Variants in POTEC observed in about 807,000 individuals in gnomAD.
The protein encoded by POTEC is ANKRD26-like family B member 2.
Under a neutral mutation model 62.0 loss-of-function variants are expected in POTEC, and 35 were observed. The observed-to-expected ratio is 0.56, with a 90% CI of 0.43 to 0.75. The LOEUF (loss-of-function observed/expected upper bound fraction) is 0.75. POTEC is among the 30% of genes least tolerant of loss of function. POTEC has a pLI of 0.00. For synonymous variants in POTEC, 156 were observed against 221.5 expected (o/e 0.70, Z 2.62); for missense variants, 472 against 655.9 (o/e 0.72, Z 3.06).
intron 9 of POTEC, among the ~76,000 whole-genome samples, chr18:14,517,116 G>C (rs1910187463): frequency 6.7e-6 from 1 of 149,486 alleles, no homozygotes; most frequent in Non-Finnish European, 1.5e-5. Context: ...AGATATTCCT[G>C]AGAGCTGTTA....
At position 14,537,858 on chromosome 18, in the gene POTEC, A is replaced by G. The variant is rs1905796508; in HGVS notation, c.753T>C (p.Asp251=). 1 of 1,612,198 alleles carries G rather than the reference A, an allele frequency of 6.2e-7. No individual in the cohort carries two copies. The highest frequency in any genetic ancestry group is 8.5e-7 in the Non-Finnish European group (1 of 1,179,736). The change falls in exon 3 of 11, where the codon GAT becomes GAC. Residue 251 remains aspartate, a synonymous_variant. Transcript: ENST00000358970. ...AGAGCAGTGCTTTGGCCATTAATTT[A>G]TCTTCATTGTGGACAGCATAGTGTA... ...TTLHYAVHNE[D]KLMAKALLLY... is the part of the protein sequence containing the mutation.
At position 14,510,897 on chromosome 18, in the gene POTEC, G is replaced by A. The variant is rs1266061768; in HGVS notation, c.*1001C>T. ...AGATGACAGTCTGGTCCTCCCCCTG[G>A]GAGCTCTGACTCAGGAGGCCTGAAA... On this transcript the variant is annotated 3_prime_UTR_variant, in exon 11 of 11. Transcript: ENST00000358970. 6.6e-6 allele frequency: 1 copy of A among 152,246 alleles called. No individual in the cohort carries two copies. Among genetic ancestry groups the A allele is most frequent in the Admixed American group, 6.5e-5 (1 of 15,278 alleles). The allele number at this position is 152,246 out of a possible 1,614,324, so 9.4% of individuals were successfully genotyped here.
intron 9 of POTEC, among the ~76,000 whole-genome samples, chr18:14,518,006 T>C (rs1161850135): frequency 6.6e-6 from 1 of 152,168 alleles, no homozygotes; most frequent in Non-Finnish European, 1.5e-5. Flanking sequence ...ATATAAAGAA[T>C]GTAGCTTATT....
intron 7 of POTEC, among the ~76,000 whole-genome samples, chr18:14,523,840 T>C (rs1910368919): frequency 6.6e-6 from 1 of 152,130 alleles, no homozygotes; most frequent in Non-Finnish European, 1.5e-5. Flanking sequence ...TAATTTGTTA[T>C]GTGTTAAATC....
chr18:14,534,311 C>T (rs1237397401), intron 4 of POTEC, among the ~76,000 whole-genome samples: 1 of 151,618 alleles, frequency 6.6e-6, no homozygotes, highest in Non-Finnish European at 1.5e-5. Flanking sequence ...CTCCCTCTCT[C>T]CATACCAACT....
At position 14,543,242 on chromosome 18, in the gene POTEC, G is replaced by A. The variant is rs1350964202; in HGVS notation, c.-96C>T. 1.3e-6 allele frequency: 2 copies of A among 1,523,810 alleles called. No individual in the cohort carries two copies. Among genetic ancestry groups the A allele is most frequent in the Non-Finnish European group, 1.8e-6 (2 of 1,120,990 alleles). 94.4% of individuals were successfully genotyped at this position (1,523,810 alleles called of 1,614,324 possible). On this transcript the variant is annotated 5_prime_UTR_variant, in exon 1 of 11. Transcript: ENST00000358970. ...GCAGGAAACCCTGGGTTTCCAATCT[G>A]TTTGAAGAGAAAGGTCAATCCCAGC...
At chr18:14,539,727 G>A (rs1014572420) in intron 1 of POTEC, among the ~76,000 whole-genome samples, 5 of 151,840 alleles carry the variant, frequency 3.3e-5, no homozygotes, top group African/African-American at 1.2e-4. Flanking sequence ...GGCAGTTAAG[G>A]GTTATCTTTC....
rs1910335790 is a variant in POTEC, at chr18:14,522,435, T to G, written c.1243-15A>C. 1 of 1,436,976 alleles carries G rather than the reference T, an allele frequency of 7.0e-7. No individual in the cohort carries two copies. Among genetic ancestry groups the G allele is most frequent in the Non-Finnish European group, 9.3e-7 (1 of 1,071,680 alleles). The allele number at this position is 1,436,976 out of a possible 1,614,324, so 89.0% of individuals were successfully genotyped here. A position where few individuals can be genotyped will look rare whatever the true frequency, so the allele number is the denominator to read the frequency against. On this transcript the variant is annotated splice_polypyrimidine_tract_variant and intron_variant, in intron 8 of 10. Transcript: ENST00000358970. ...TCTTCTTCAACCTTGAGTGGAAGTT[T>G]GATATTAAGGATGGTTATCACTTTA...
Position 14,543,600 on chromosome 18 carries a change from T to C in POTEC, c.-454A>G, listed in dbSNP as rs1173450781. On this transcript the variant is annotated 5_prime_UTR_variant, in exon 1 of 11. Transcript: ENST00000358970. ...CCGTTACAGGTAAGCCAAGCCGTTA[T>C]GCGCGTGCGGGGCGCGCGTGCGGGG... 1.9e-5 allele frequency: 4 copies of C among 210,924 alleles called. No homozygotes were observed. Among genetic ancestry groups the C allele is most frequent in the African/African-American group, 6.5e-5 (2 of 30,922 alleles). The allele number at this position is 210,924 out of a possible 1,614,324, so 13.1% of individuals were successfully genotyped here. A position where few individuals can be genotyped will look rare whatever the true frequency, so the allele number is the denominator to read the frequency against.
In POTEC at chr18:14,508,677, C is replaced by G. The variant is rs904294828; in HGVS notation, c.*3221G>C. The G allele has an allele frequency of 1.3e-5, 2 of 152,566 alleles. No homozygotes were observed. The highest frequency in any genetic ancestry group is 2.4e-5 in the African/African-American group (1 of 41,418). The allele number at this position is 152,566 out of a possible 1,614,324, so 9.5% of individuals were successfully genotyped here. ...TGGATTACAACATACTTCTTTCACT[C>G]AATGAACTTTGTTCCTACCCATATC... is the stretch of plus-strand genomic sequence containing the variant. On this transcript the variant is annotated 3_prime_UTR_variant, in exon 11 of 11. Transcript: ENST00000358970.
chr18:14,528,911 G>C, intron 6 of POTEC: 1 of 453,972 alleles, frequency 2.2e-6, no homozygotes, highest in Non-Finnish European at 4.4e-6. Flanking sequence ...AACCCTGCAA[G>C]GTTCACTCAG....
At chr18:14,522,711 T>C (rs1910342229) in intron 8 of POTEC, among the ~76,000 whole-genome samples, 2 of 152,062 alleles carry the variant, frequency 1.3e-5, no homozygotes, top group Admixed American at 1.3e-4. Context: ...TGTGCTTTTA[T>C]TCCCAAAAAC....
chr18:14,514,094 G>A (rs992473999), intron 9 of POTEC, among the ~76,000 whole-genome samples: 11 of 151,304 alleles, frequency 7.3e-5, no homozygotes, highest in South Asian at 2.1e-4. Context: ...TATATAACTC[G>A]CCATCATGTA....
chr18:14,538,394 T>C lies in POTEC; in HGVS notation c.522-145A>G, dbSNP rs957720692. The C allele has an allele frequency of 1.4e-4, 87 of 628,794 alleles. No individual in the cohort carries two copies. In the African/African-American group the frequency reaches 1.5e-3, roughly 11 times the overall value. The allele number at this position is 628,794 out of a possible 1,614,324, so 39.0% of individuals were successfully genotyped here. A position where few individuals can be genotyped will look rare whatever the true frequency, so the allele number is the denominator to read the frequency against. ...CCTTTGAAGAAAGCACACTACTTAT[T>C]ACCTCTCATTACTCACTGTATTAAT... On this transcript the variant is annotated intron_variant, in intron 1 of 10. Coordinates refer to ENST00000358970, the MANE Select transcript of POTEC (RefSeq NM_001137671.2).
rs1332004585 is a variant in POTEC at position 14,509,651 on chromosome 18, G to A, written c.*2247C>T. The A allele has an allele frequency of 6.6e-6, 1 of 151,762 alleles. No homozygotes were observed. Among genetic ancestry groups the A allele is most frequent in the East Asian group, 2.0e-4 (1 of 4,972 alleles). 9.4% of individuals were successfully genotyped at this position (151,762 alleles called of 1,614,324 possible). ...TCAGGCACGGTCCGCTTGTACAGAA[G>A]CTATGGTGTGGGCACCCGAAAGTGC... On this transcript the variant is annotated 3_prime_UTR_variant, in exon 11 of 11. Transcript: ENST00000358970.
At chr18:14,524,621 T>G (rs1910389998) in intron 7 of POTEC, among the ~76,000 whole-genome samples, 1 of 152,060 alleles carries the variant, frequency 6.6e-6, no homozygotes, top group African/African-American at 2.4e-5. Flanking sequence ...AAAAGGCAGA[T>G]AAGAATATTT....
rs568298554 is a variant in POTEC at position 14,508,166 on chromosome 18, G to A, written c.*3732C>T. ...TGATATTCTGAAATGTGTTTTCCAA[G>A]TTGGTTCCATTCTCCTCATCTCTTT... On this transcript the variant is annotated 3_prime_UTR_variant, in exon 11 of 11. Transcript: ENST00000358970. 3.3e-5 allele frequency: 5 copies of A among 152,160 alleles called. No homozygotes were observed. In the East Asian group the frequency reaches 7.7e-4, roughly 23 times the overall value. 9.4% of individuals were successfully genotyped at this position (152,160 alleles called of 1,614,324 possible).
intron 6 of POTEC, among the ~76,000 whole-genome samples, chr18:14,525,759 T>TC: frequency 6.6e-6 from 1 of 152,246 alleles, no homozygotes; most frequent in Admixed American, 6.5e-5. Flanking sequence ...ACTGGGTCTC[T>TC]CCTGCCTCCT....
rs869231004 is a variant in POTEC, at chr18:14,537,210, CAAAA to C, written c.810+587_810+590del. Reference sequence around the variant, plus strand: ...ACACACACACACACACACACACACACAAAAAAAAAAAAAAACAAAAAAAAACCTC... The same window carrying C: ...ACACACACACACACACACACACACACAAAAAAAAAAACAAAAAAAAACCTC... On this transcript the variant is annotated intron_variant, in intron 3 of 10. Transcript: ENST00000358970. Among the ~76,000 whole-genome samples, 120 of 65,502 alleles carry C rather than the reference CAAAA, an allele frequency of 1.8e-3. 3 individuals carry two copies. Among genetic ancestry groups the C allele is most frequent in the African/African-American group, 8.1e-3 (91 of 11,238 alleles). The allele number at this position is 65,502 out of a possible 152,430, so 43.0% of individuals were successfully genotyped here.
Sources: allele counts gnomAD v4.1 joint callset (sites outside exome capture counted in the v4.1 genomes callset), GRCh38; gene constraint gnomAD v4.1.1; transcripts MANE v1.5; gene names NCBI Gene and HGNC (gene_info 2026-07-23, HGNC 2026-07-21).